The following ZNF292 variants were observed in gnomAD, a reference collection of about 807,000 sequenced individuals.
The protein encoded by ZNF292 is 16 zinc-finger domain protein.
Under a neutral mutation model 217.9 loss-of-function variants are expected in ZNF292, and 26 were observed. The observed-to-expected ratio is 0.12, with a 90% confidence interval of 0.09 to 0.17. The LOEUF (loss-of-function observed/expected upper bound fraction) is 0.17, where lower values mean the gene tolerates loss of function less well. ZNF292 is among the 10% of genes least tolerant of loss of function. The pLI, the probability that ZNF292 is intolerant of heterozygous loss-of-function variation, is 1.00. For synonymous variants in ZNF292, 1,257 were observed against 1,124.1 expected (o/e 1.12, Z -2.37); for missense variants, 2,904 against 3,175.2 (o/e 0.91, Z 2.05).
Position 87,260,651 on chromosome 6 carries a change from T to C in ZNF292, c.7022T>C (p.Leu2341Ser), listed in dbSNP as rs1775524608. ...PKTKRKKKNN[L>S]ENKNAKIVQI... Reference sequence around the variant, plus strand: ...ACCAAACGAAAGAAAAAAAATAATTTAGAAAACAAGAATGCAAAGATTGTG... The same window carrying C: ...ACCAAACGAAAGAAAAAAAATAATTCAGAAAACAAGAATGCAAAGATTGTG... Residue 2341 changes from leucine to serine, a missense_variant, in exon 8 of 8, where the codon TTA becomes TCA. Around this residue, in one of 15 missense-constraint regions of ZNF292, gnomAD observed 101 missense variants for 89.5 expected, o/e 1.13. Transcript: ENST00000369577. 1 of 1,612,300 alleles carries C rather than the reference T, an allele frequency of 6.2e-7. No homozygotes were observed. Among genetic ancestry groups the C allele is most frequent in the Non-Finnish European group, 8.5e-7 (1 of 1,179,422 alleles).
chr6:87,184,398 A>C (rs1771570721), intron 1 of ZNF292, among the ~76,000 whole-genome samples: 1 of 150,220 alleles, frequency 6.7e-6, no homozygotes, highest in South Asian at 2.1e-4. Context: ...CTTTCACATC[A>C]CCAGTAATAA....
rs745957512 is a variant in ZNF292 at position 87,260,368 on chromosome 6, G to T, written c.6739G>T (p.Ala2247Ser). ...GGCAGACCACGGGATTGGACTAAGG[G>T]CAAGTAAAACAGAAGAAGATGGTGT... The part of the protein sequence containing the change: ...LEADHGIGLR[A>S]SKTEEDGVYK... The change falls in exon 8 of 8, where the codon GCA becomes TCA. Residue 2247 changes from alanine to serine, a missense_variant. Ala to Ser is a moderately conservative substitution (Grantham distance 99, BLOSUM62 1). Coordinates refer to ENST00000369577, the MANE Select transcript of ZNF292 (RefSeq NM_015021.3). 1.9e-6 allele frequency: 3 copies of T among 1,613,362 alleles called. No individual in the cohort carries two copies. The highest frequency in any genetic ancestry group is 2.5e-6 in the Non-Finnish European group (3 of 1,179,614).
In ZNF292 at chr6:87,218,517, T is replaced by G. The variant is rs547306135; in HGVS notation, c.403-79T>G. On this transcript the variant is annotated intron_variant, in intron 3 of 7. Transcript: ENST00000369577. ...TAAGATGAAAGTCTTTTCAGAAGTT[T>G]AGTGTTATATTTAAAGCCTGATAAG... 1.5e-5 allele frequency: 18 copies of G among 1,188,484 alleles called. No homozygotes were observed. The South Asian group carries it at 3.4e-4, about 22-fold the overall frequency. 73.6% of individuals were successfully genotyped at this position (1,188,484 alleles called of 1,614,324 possible).
At chr6:87,239,557 C>CGA (rs1237625864) in intron 5 of ZNF292, among the ~76,000 whole-genome samples, 1 of 69,160 alleles carries the variant, frequency 1.4e-5, no homozygotes, top group Non-Finnish European at 3.2e-5. Flanking sequence ...CCGGACAGGG[C>CGA]GGCTGCCGGG....
intron 7 of ZNF292, among the ~76,000 whole-genome samples, chr6:87,247,280 CAT>C (rs1774647385): frequency 1.8e-5 from 2 of 110,096 alleles, no homozygotes. Flanking sequence ...AACACACACA[CAT>C]GCGCACGCAC....
intron 1 of ZNF292, among the ~76,000 whole-genome samples, chr6:87,173,043 G>C (rs1771158689): frequency 6.6e-6 from 1 of 151,706 alleles, no homozygotes; most frequent in African/African-American, 2.4e-5. Flanking sequence ...CTTTCTGATA[G>C]TCTTAAGATT....
chr6:87,216,106 TAGACACAC>T lies in ZNF292; in HGVS notation c.323+51_323+58del, dbSNP rs773946735. The T allele has an allele frequency of 1.1e-3, 1,092 of 951,962 alleles. 18 individuals are homozygous for T. In the African/African-American group the frequency reaches 0.018, roughly 16 times the overall value. The allele number at this position is 951,962 out of a possible 1,614,324, so 59.0% of individuals were successfully genotyped here. ...AACTAGATTTAGCTTTAAAAATACATAGACACACACACACACACACACACACACACACA... is the reference window on the plus strand; with the variant it reads ...AACTAGATTTAGCTTTAAAAATACATACACACACACACACACACACACACA... On this transcript the variant is annotated intron_variant, in intron 2 of 7. Transcript: ENST00000369577.
chr6:87,254,229 C>T (rs1165575603), intron 7 of ZNF292, among the ~76,000 whole-genome samples: 5 of 152,152 alleles, frequency 3.3e-5, no homozygotes, highest in African/African-American at 1.2e-4. Flanking sequence ...GTAAGAGTTA[C>T]AATAAGGATG....
At chr6:87,234,215 G>C (rs185425299) in intron 5 of ZNF292, among the ~76,000 whole-genome samples, 1 of 152,142 alleles carries the variant, frequency 6.6e-6, no homozygotes, top group African/African-American at 2.4e-5. Flanking sequence ...AGAATTAGAA[G>C]TTGTTGATCA....
At chr6:87,253,203 G>A (rs1302034992) in intron 7 of ZNF292, among the ~76,000 whole-genome samples, 1 of 142,560 alleles carries the variant, frequency 7.0e-6, no homozygotes, top group African/African-American at 2.7e-5. Context: ...CATAAACCAT[G>A]AGCCACCATG....
intron 1 of ZNF292, among the ~76,000 whole-genome samples, chr6:87,204,487 T>C (rs1472276866): frequency 1.3e-5 from 2 of 152,048 alleles, no homozygotes; most frequent in East Asian, 3.8e-4. Flanking sequence ...TCTGTAACTT[T>C]GTGATTGTTT....
chr6:87,169,613 C>G, intron 1 of ZNF292: 2 of 364,770 alleles, frequency 5.5e-6, no homozygotes, highest in South Asian at 3.8e-5. Flanking sequence ...GATTATGCTA[C>G]TTTTAAAAGA....
chr6:87,256,694 A>G lies in ZNF292; in HGVS notation c.3065A>G (p.Glu1022Gly). Residue 1022 changes from glutamate to glycine, a missense_variant, in exon 8 of 8, where the codon GAA becomes GGA. By Grantham distance (98) the Glu-to-Gly change is moderately conservative. Around this residue, in one of 15 missense-constraint regions of ZNF292, gnomAD observed 687 missense variants for 623.0 expected, o/e 1.10. Transcript: ENST00000369577. ...KIGDLTPQNL[E>G]RQVNNLMTFS... ...GGTGACCTTACCCCACAAAACTTAG[A>G]AAGACAAGTGAACAACTTGATGACC... The G allele has an allele frequency of 1.2e-6, 2 of 1,613,286 alleles. No individual in the cohort carries two copies. Among genetic ancestry groups the G allele is most frequent in the Non-Finnish European group, 1.7e-6 (2 of 1,179,822 alleles).
chr6:87,193,356 G>A (rs955786085), intron 1 of ZNF292, among the ~76,000 whole-genome samples: 1 of 151,952 alleles, frequency 6.6e-6, no homozygotes, highest in African/African-American at 2.4e-5. Flanking sequence ...ACCAGCCTGG[G>A]GAATATGACG....
chr6:87,196,803 C>T (rs1771964335), intron 1 of ZNF292, among the ~76,000 whole-genome samples: 1 of 152,138 alleles, frequency 6.6e-6, no homozygotes, highest in Non-Finnish European at 1.5e-5. Flanking sequence ...TTTAGTCCTT[C>T]CTAATGAAGA....
chr6:87,179,030 T>A (rs1276482297), intron 1 of ZNF292, among the ~76,000 whole-genome samples: 1 of 152,166 alleles, frequency 6.6e-6, no homozygotes, highest in African/African-American at 2.4e-5. Flanking sequence ...GGTTGAATAA[T>A]ACATATTTAT....
At chr6:87,191,263 A>G (rs1282677646) in intron 1 of ZNF292, among the ~76,000 whole-genome samples, 1 of 150,950 alleles carries the variant, frequency 6.6e-6, no homozygotes, top group Non-Finnish European at 1.5e-5. Context: ...AAATCCACTA[A>G]TACTAATGAT....
intron 1 of ZNF292, among the ~76,000 whole-genome samples, chr6:87,198,407 T>C (rs1190210226): frequency 6.6e-6 from 1 of 152,116 alleles, no homozygotes; most frequent in Non-Finnish European, 1.5e-5. Context: ...GGTTTCACTG[T>C]GTTAGCTAGG....
rs143229258 is a variant in ZNF292, at chr6:87,228,209, G to T, written c.539-5116G>T. The stretch of plus-strand genomic sequence containing the variant: ...ATGATTTTTGATGTTTCGTATGCTT[G>T]TTGGCCATTCGTATGTTATCTTTTG... On this transcript the variant is annotated intron_variant, in intron 4 of 7. Transcript: ENST00000369577. 2.6e-3 allele frequency among the ~76,000 whole-genome samples: 392 copies of T among 152,132 alleles called. 2 individuals carry two copies. The highest frequency in any genetic ancestry group is 9.1e-3 in the African/African-American group (376 of 41,488).
Sources: gnomAD v4.1 joint callset for allele counts (sites outside exome capture counted in the v4.1 genomes callset) on GRCh38, gnomAD v4.1.1 for gene constraint, gnomAD v4.1.1 regional missense constraint, MANE v1.5 for transcripts, NCBI Gene and HGNC (gene_info 2026-07-23, HGNC 2026-07-21) for gene names.